Variants in MACROH2A1 observed in about 807,000 individuals in gnomAD.
MACROH2A1 encodes the protein core histone macro-H2A.1.
A neutral mutation model predicts 31.6 loss-of-function variants in MACROH2A1; 2 were observed. The ratio of observed to expected loss-of-function variants is 0.06; its 90% confidence interval spans 0.03 to 0.20. MACROH2A1 has a LOEUF of 0.20. Among genes scored for constraint, MACROH2A1 ranks in the 10% least tolerant of loss-of-function variants. MACROH2A1 has a pLI of 1.00. For missense variants in MACROH2A1, 230 were observed against 474.0 expected (o/e 0.49, Z 4.78); for synonymous variants, 169 against 189.6 (o/e 0.89, Z 0.89).
At chr5:135,385,697 C>T (rs2149939995) in intron 2 of MACROH2A1, among the ~76,000 whole-genome samples, 1 of 152,338 alleles carries the variant, frequency 6.6e-6, no homozygotes, top group South Asian at 2.1e-4. Flanking sequence ...TCTTGTGGGG[C>T]TGGCTGGCAC....
At chr5:135,347,851 A>G (rs897521774) in intron 6 of MACROH2A1, among the ~76,000 whole-genome samples, 2 of 152,210 alleles carry the variant, frequency 1.3e-5, no homozygotes, top group African/African-American at 4.8e-5. Flanking sequence ...AAAATGCTGG[A>G]GGCTGGACTA....
chr5:135,380,968 GA>G (rs1339504195), intron 2 of MACROH2A1, among the ~76,000 whole-genome samples: 6 of 152,146 alleles, frequency 3.9e-5, no homozygotes, highest in Non-Finnish European at 7.4e-5. Context: ...TTAGAGAAAA[GA>G]AGTTCAACAA....
At chr5:135,366,470 G>A (rs996451108) in intron 4 of MACROH2A1, among the ~76,000 whole-genome samples, 7 of 151,966 alleles carry the variant, frequency 4.6e-5, no homozygotes, top group Admixed American at 2.6e-4. Flanking sequence ...GAACACCAGA[G>A]ATGTTCTGCA....
At chr5:135,353,138 C>T (rs562593799) in intron 5 of MACROH2A1, 93 bp from the exon 6 acceptor site, 178 of 791,602 alleles carry the variant, frequency 2.2e-4, no homozygotes, top group Non-Finnish European at 3.3e-4. Flanking sequence ...AGTGGACACT[C>T]CAAGTGCACG....
intron 2 of MACROH2A1, among the ~76,000 whole-genome samples, chr5:135,372,007 C>T (rs1230134145): frequency 6.6e-6 from 1 of 152,184 alleles, no homozygotes; most frequent in African/African-American, 2.4e-5. Flanking sequence ...TGAAAAATTG[C>T]TTGGCTACTC....
chr5:135,374,316 G>C (rs538599412), intron 2 of MACROH2A1, among the ~76,000 whole-genome samples: 46 of 152,180 alleles, frequency 3.0e-4, no homozygotes, highest in Non-Finnish European at 4.7e-4. Flanking sequence ...TTCCTATTCA[G>C]GGGGGAGCGG....
At chr5:135,397,026 G>A (rs1768097675) in intron 1 of MACROH2A1, among the ~76,000 whole-genome samples, 2 of 152,100 alleles carry the variant, frequency 1.3e-5, no homozygotes, top group African/African-American at 4.8e-5. Context: ...CTAGGAATGG[G>A]GCTCTGAAAA....
intron 6 of MACROH2A1, chr5:135,350,931 A>C: frequency 6.5e-7 from 1 of 1,528,678 alleles, no homozygotes; most frequent in Non-Finnish European, 9.1e-7. Context: ...AGGTAAACAA[A>C]TGTATATCAA....
chr5:135,385,304 G>A (rs1480543078), intron 2 of MACROH2A1, among the ~76,000 whole-genome samples: 4 of 152,226 alleles, frequency 2.6e-5, no homozygotes, highest in Non-Finnish European at 5.9e-5. Flanking sequence ...TCTCCAGAAA[G>A]CATTTCCTGA....
intron 8 of MACROH2A1, among the ~76,000 whole-genome samples, chr5:135,336,824 A>T (rs949825429): frequency 1.2e-4 from 19 of 152,212 alleles, no homozygotes; most frequent in African/African-American, 4.1e-4. Context: ...AGGACAGGTT[A>T]TCTGGAATGA....
At chr5:135,350,418 G>A (rs1160553251) in intron 6 of MACROH2A1, among the ~76,000 whole-genome samples, 1 of 152,070 alleles carries the variant, frequency 6.6e-6, no homozygotes, top group African/African-American at 2.4e-5. Context: ...TGGGGGTGGT[G>A]ACCTGTGCAC....
intron 2 of MACROH2A1, among the ~76,000 whole-genome samples, chr5:135,372,265 T>C (rs893848944): frequency 3.9e-5 from 6 of 152,090 alleles, no homozygotes; most frequent in Non-Finnish European, 8.8e-5. Context: ...TGCCACAGGG[T>C]CCCTTACCTG....
At chr5:135,393,137 C>A (rs538894583) in intron 1 of MACROH2A1, among the ~76,000 whole-genome samples, 1 of 152,306 alleles carries the variant, frequency 6.6e-6, no homozygotes. Context: ...TGTTTCTTGT[C>A]CACATAGTGA....
intron 8 of MACROH2A1, among the ~76,000 whole-genome samples, chr5:135,337,076 A>C (rs1018447116): frequency 2.0e-5 from 3 of 152,230 alleles, no homozygotes; most frequent in Non-Finnish European, 2.9e-5. Context: ...TGTGAATCCC[A>C]AGACCATGCT....
Position 135,345,948 on chromosome 5 carries a change from C to G in MACROH2A1, c.778+20G>C. 1 of 1,525,706 alleles carries G rather than the reference C, an allele frequency of 6.6e-7. No homozygotes were observed. Among genetic ancestry groups the G allele is most frequent in the Non-Finnish European group, 9.1e-7 (1 of 1,099,204 alleles). The allele number at this position is 1,525,706 out of a possible 1,614,324, so 94.5% of individuals were successfully genotyped here. A position where few individuals can be genotyped will look rare whatever the true frequency, so the allele number is the denominator to read the frequency against. On this transcript the variant is annotated intron_variant, in intron 7 of 8. Coordinates refer to ENST00000511689, the MANE Select transcript of MACROH2A1 (RefSeq NM_138610.3). Reference sequence around the variant, plus strand: ...TGCATGTGTCACAACCAGATAAGCACGGTGGCTTTCCCACCTCACCTCCAG... The same window carrying G: ...TGCATGTGTCACAACCAGATAAGCAGGGTGGCTTTCCCACCTCACCTCCAG...
At chr5:135,381,547 A>G (rs10068302) in intron 2 of MACROH2A1, among the ~76,000 whole-genome samples, 28,242 of 152,118 alleles carry the variant, frequency 0.19, 5,716 homozygotes, top group African/African-American at 0.51. Flanking sequence ...CCCAGAAGAC[A>G]GAGGCTGCAG....
At chr5:135,385,339 C>G (rs565244289) in intron 2 of MACROH2A1, among the ~76,000 whole-genome samples, 1 of 152,222 alleles carries the variant, frequency 6.6e-6, no homozygotes, top group African/African-American at 2.4e-5. Context: ...CCTGTCTCCC[C>G]CCTTGCAGCA....
chr5:135,372,334 G>C (rs1764272365), intron 2 of MACROH2A1, among the ~76,000 whole-genome samples: 2 of 152,228 alleles, frequency 1.3e-5, no homozygotes, highest in African/African-American at 4.8e-5. Context: ...GATAGCCAGT[G>C]CTTACATGGA....
At chr5:135,336,747 A>G (rs1424216875) in intron 8 of MACROH2A1, among the ~76,000 whole-genome samples, 1 of 152,208 alleles carries the variant, frequency 6.6e-6, no homozygotes, top group Non-Finnish European at 1.5e-5. Context: ...CTGTTTGCAG[A>G]TCTGAAATCT....
Sources: allele counts gnomAD v4.1 joint callset (sites outside exome capture counted in the v4.1 genomes callset), GRCh38; gene constraint gnomAD v4.1.1; transcripts MANE v1.5; gene names NCBI Gene and HGNC (gene_info 2026-07-23, HGNC 2026-07-21).